LMLN: variants seen among roughly 807,000 people sequenced by gnomAD.
LMLN encodes leishmanolysin-like peptidase.
Under a neutral mutation model 92.3 loss-of-function variants are expected in LMLN, and 70 were observed. That is an observed-to-expected ratio of 0.76 (90% confidence interval 0.63 to 0.92). The LOEUF is 0.92. Among genes scored for constraint, LMLN ranks in the 40% least tolerant of loss-of-function variants. The pLI, the probability that LMLN is intolerant of heterozygous loss-of-function variation, is 0.00. For synonymous variants in LMLN, 308 were observed against 296.2 expected, an observed-to-expected ratio of 1.04 and a Z score of -0.41; for missense variants, 691 against 814.6, an observed-to-expected ratio of 0.85 and a Z score of 1.85.
chr3:197,991,937 A>G (rs528059709), intron 9 of LMLN, among the ~76,000 whole-genome samples: 22 of 149,972 alleles, frequency 1.5e-4, no homozygotes, highest in East Asian at 9.8e-4. Flanking sequence ...GCTCAGCTCA[A>G]TGTAACCTCT....
In LMLN at chr3:198,034,202, G is replaced by A. The variant is rs147387517; in HGVS notation, c.1657-1631G>A. On this transcript the variant is annotated intron_variant, in intron 14 of 15. Coordinates refer to ENST00000330198, the Ensembl canonical transcript of LMLN. ...TACCATCAGACAGGTTCAGAAGCAT[G>A]CACTGACTTTGAAGATAGGTCCAAG... Among the ~76,000 whole-genome samples the A allele has an allele frequency of 2.4e-4, 37 of 152,338 alleles. 1 individual carries two copies. In the East Asian group the frequency reaches 6.9e-3, roughly 29 times the overall value.
intron 11 of LMLN, among the ~76,000 whole-genome samples, chr3:198,017,366 T>A (rs1163581417): frequency 6.6e-6 from 1 of 152,198 alleles, no homozygotes; most frequent in Non-Finnish European, 1.5e-5. Context: ...TCTTCTCCAT[T>A]GTTGGGAAAC....
rs139882301 is a variant in LMLN at position 198,019,355 on chromosome 3, G to A, written c.1335G>A (p.Lys445=). ...CAGTTGCCGTGTGTAATTTGCAGAAGTTCCCTAAGCCTTTACCACAGGAAT... is the reference window on the plus strand; with the variant it reads ...CAGTTGCCGTGTGTAATTTGCAGAAATTCCCTAAGCCTTTACCACAGGAAT... The change falls in exon 12 of 16, where the codon AAG becomes AAA. Residue 445 remains lysine (K), a synonymous_variant. Coordinates refer to ENST00000330198, the Ensembl canonical transcript of LMLN. The surrounding 1 kb of genome is among the most constrained non-coding windows in gnomAD (Gnocchi z 5.5). The A allele has an allele frequency of 2.5e-6, 4 of 1,613,986 alleles. No individual in the cohort carries two copies. Among genetic ancestry groups the A allele is most frequent in the Non-Finnish European group, 2.5e-6 (3 of 1,180,028 alleles).
At chr3:198,035,014 A>G (rs924943433) in intron 14 of LMLN, among the ~76,000 whole-genome samples, 4 of 152,086 alleles carry the variant, frequency 2.6e-5, no homozygotes, top group African/African-American at 9.7e-5. Flanking sequence ...AGGCAACATG[A>G]CAAAACCCAA....
At chr3:198,033,702 GAAA>G (rs1473050587) in intron 14 of LMLN, among the ~76,000 whole-genome samples, 1 of 152,116 alleles carries the variant, frequency 6.6e-6, no homozygotes, top group Non-Finnish European at 1.5e-5. Flanking sequence ...GTGCCCGGCT[GAAA>G]AAAATTTTTA....
Position 198,025,979 on chromosome 3 carries a change from CA to C in LMLN, c.1656+1192del, listed in dbSNP as rs1458717268. Reference sequence around the variant, plus strand: ...TCTTCTTTTCTGTTTTTTTTTGAGACAGGGTTTTGCTCTGTCACCCAGGCTA... The same window carrying C: ...TCTTCTTTTCTGTTTTTTTTTGAGACGGGTTTTGCTCTGTCACCCAGGCTA... On this transcript the variant is annotated intron_variant, in intron 14 of 15. Transcript: ENST00000330198. This position sits in a 1 kb window ranked among gnomAD's most constrained non-coding sequence, Gnocchi z 4.3. Among the ~76,000 whole-genome samples the C allele has an allele frequency of 4.0e-5, 6 of 151,798 alleles. No homozygotes were observed. The highest frequency in any genetic ancestry group is 5.9e-5 in the Non-Finnish European group (4 of 67,914).
chr3:197,962,469 T>C (rs1042737700), intron 1 of LMLN, among the ~76,000 whole-genome samples: 4 of 152,252 alleles, frequency 2.6e-5, no homozygotes, highest in African/African-American at 9.6e-5. Flanking sequence ...TGTGGATATA[T>C]GTTTTCATTG....
chr3:197,997,968 A>G (rs1330386622), intron 10 of LMLN, among the ~76,000 whole-genome samples: 2 of 152,352 alleles, frequency 1.3e-5, no homozygotes, highest in East Asian at 3.9e-4. Context: ...TTTTAGATTC[A>G]ACTAAGCAGT....
At chr3:197,990,255 G>T (rs1376926330) in intron 8 of LMLN, among the ~76,000 whole-genome samples, 2 of 151,490 alleles carry the variant, frequency 1.3e-5, no homozygotes, top group Admixed American at 1.3e-4. Flanking sequence ...TGGAGACAAG[G>T]TCTTCCTGTA....
At chr3:198,021,232 A>C (rs1722774123) in intron 12 of LMLN, among the ~76,000 whole-genome samples, 1 of 152,160 alleles carries the variant, frequency 6.6e-6, no homozygotes, top group African/African-American at 2.4e-5. Context: ...AGACTCATTT[A>C]CTTACCTTGC....
intron 15 of LMLN, among the ~76,000 whole-genome samples, chr3:198,037,293 T>A (rs541171680): frequency 6.6e-6 from 1 of 152,352 alleles, no homozygotes; most frequent in South Asian, 2.1e-4. Flanking sequence ...TTTCTAAAGA[T>A]AGCAGTTTCA....
intron 12 of LMLN, among the ~76,000 whole-genome samples, chr3:198,021,194 C>T (rs1474026311): frequency 6.6e-6 from 1 of 152,110 alleles, no homozygotes; most frequent in Non-Finnish European, 1.5e-5. Flanking sequence ...AAACATTAGT[C>T]TAATTTAACA....
intron 11 of LMLN, among the ~76,000 whole-genome samples, chr3:198,014,428 C>G (rs1460637985): frequency 6.7e-4 from 83 of 123,580 alleles, no homozygotes; most frequent in African/African-American, 1.7e-3. Flanking sequence ...TCTCTCCACC[C>G]TTCAGAGCCC....
chr3:197,982,708 G>A (rs568478322), intron 6 of LMLN, among the ~76,000 whole-genome samples: 4 of 152,322 alleles, frequency 2.6e-5, no homozygotes, highest in South Asian at 4.1e-4. Context: ...AAATAAATAT[G>A]TGATTTCAAA....
At chr3:197,979,343 A>T (rs768422345) in intron 5 of LMLN, among the ~76,000 whole-genome samples, 8 of 152,184 alleles carry the variant, frequency 5.3e-5, no homozygotes, top group Non-Finnish European at 1.0e-4. Context: ...ATTCTGATAG[A>T]AGTAGCTTTC....
At chr3:197,965,522 T>C (rs1345191462) in intron 1 of LMLN, among the ~76,000 whole-genome samples, 4 of 152,030 alleles carry the variant, frequency 2.6e-5, no homozygotes, top group African/African-American at 9.7e-5. Context: ...ATTATAGACA[T>C]GAGTCACTGT....
chr3:198,015,779 T>C (rs1249970528), intron 11 of LMLN, among the ~76,000 whole-genome samples: 1 of 152,174 alleles, frequency 6.6e-6, no homozygotes, highest in African/African-American at 2.4e-5. Context: ...TCTTCTTTTG[T>C]TTCTTTAATT....
chr3:197,990,147 C>G (rs1357555994), intron 8 of LMLN, among the ~76,000 whole-genome samples: 1 of 151,822 alleles, frequency 6.6e-6, no homozygotes, highest in Non-Finnish European at 1.5e-5. Context: ...ACTGCAGCGT[C>G]AACCTCCTGG....
chr3:197,987,286 A>G (rs1229837931), intron 8 of LMLN, among the ~76,000 whole-genome samples: 4 of 151,218 alleles, frequency 2.6e-5, no homozygotes, highest in Non-Finnish European at 5.9e-5. Context: ...CAGCCTCCCA[A>G]GTAGCTGGGA....
Sources: gnomAD v4.1 joint callset for allele counts (sites outside exome capture counted in the v4.1 genomes callset) on GRCh38, gnomAD v4.1.1 for gene constraint, Gnocchi (gnomAD v3.1) non-coding constraint, MANE v1.5 for transcripts, NCBI Gene and HGNC (gene_info 2026-07-23, HGNC 2026-07-21) for gene names.